The following FBXO21 variants were observed in gnomAD, a reference collection of about 807,000 sequenced individuals.
FBXO21 encodes F-box only protein 21.
A neutral mutation model predicts 76.6 loss-of-function variants in FBXO21; 32 were observed. That is an observed-to-expected ratio of 0.42 (90% CI 0.32 to 0.56). FBXO21 has a LOEUF of 0.56. FBXO21 is among the 20% of genes least tolerant of loss of function. The pLI, the probability that FBXO21 is intolerant of heterozygous loss-of-function variation, is 0.16. For synonymous variants in FBXO21, 328 were observed against 311.5 expected (o/e 1.05, Z -0.56); for missense variants, 586 against 797.3 (o/e 0.73, Z 3.19).
At chr12:117,183,590 G>A (rs183611389) in intron 3 of FBXO21, among the ~76,000 whole-genome samples, 15 of 152,330 alleles carry the variant, frequency 9.8e-5, no homozygotes, top group Admixed American at 2.6e-4. Context: ...TGTATTAAAA[G>A]TTTTCCGTGA....
chr12:117,150,959 TGTGTGTGTGTGTGTGTG>T (rs1955834940), intron 11 of FBXO21, among the ~76,000 whole-genome samples: 9 of 38,868 alleles, frequency 2.3e-4, no homozygotes, highest in Admixed American at 1.3e-3. Flanking sequence ...AATAAGTTTG[TGTGTGTGTGTGTGTGTG>T]TGTGTGTGTG....
chr12:117,185,211 A>G (rs1956270556), intron 3 of FBXO21, among the ~76,000 whole-genome samples: 1 of 152,044 alleles, frequency 6.6e-6, no homozygotes, highest in African/African-American at 2.4e-5. Flanking sequence ...CTACTAGATC[A>G]TACTTCAATT....
intron 11 of FBXO21, among the ~76,000 whole-genome samples, chr12:117,149,104 G>A (rs759532359): frequency 9.9e-5 from 15 of 152,154 alleles, no homozygotes; most frequent in East Asian, 1.9e-4. Flanking sequence ...GGAGGCTTAC[G>A]GGGACATGAC....
At position 117,142,862 on chromosome 12, in the gene FBXO21, CT is replaced by C. The variant is rs1565991108; in HGVS notation, c.*3224del. 6.6e-6 allele frequency: 1 copy of C among 152,160 alleles called. No homozygotes were observed. Among genetic ancestry groups the C allele is most frequent in the Non-Finnish European group, 1.5e-5 (1 of 68,048 alleles). The allele number at this position is 152,160 out of a possible 1,614,324, so 9.4% of individuals were successfully genotyped here. Reference sequence around the variant, plus strand: ...GAAAGCCTGCGACACGGCAGCTCTGCTCAGTTTTCTCCGTGGGGAAAGATCG... The same window carrying C: ...GAAAGCCTGCGACACGGCAGCTCTGCCAGTTTTCTCCGTGGGGAAAGATCG... On this transcript the variant is annotated 3_prime_UTR_variant, in exon 12 of 12. Coordinates refer to ENST00000622495, the MANE Select transcript of FBXO21 (RefSeq NM_015002.3).
At chr12:117,178,672 C>T (rs1334952724) in intron 3 of FBXO21, among the ~76,000 whole-genome samples, 2 of 58,844 alleles carry the variant, frequency 3.4e-5, no homozygotes, top group African/African-American at 7.9e-5. Flanking sequence ...GTGCCCTGTT[C>T]TTCTGCCTGG....
chr12:117,164,322 G>A (rs1484878022), intron 9 of FBXO21, among the ~76,000 whole-genome samples: 3 of 146,786 alleles, frequency 2.0e-5, no homozygotes, highest in Middle Eastern at 3.7e-3. Context: ...TGTTGCACTG[G>A]CTAGAGTGAA....
At chr12:117,149,642 C>T (rs1211023096) in intron 11 of FBXO21, among the ~76,000 whole-genome samples, 4 of 152,152 alleles carry the variant, frequency 2.6e-5, no homozygotes, top group African/African-American at 9.7e-5. Context: ...CACAGGACGG[C>T]CCCCCACAAA....
At chr12:117,189,486 G>A in intron 1 of FBXO21, 124 bp from the exon 2 acceptor site, 1 of 971,120 alleles carries the variant, frequency 1.0e-6, no homozygotes. Context: ...CCCGGCGAGA[G>A]ACCTAGTTCA....
At chr12:117,186,626 C>T in intron 2 of FBXO21, 55 bp from the exon 3 acceptor site, 5 of 1,098,550 alleles carry the variant, frequency 4.6e-6, no homozygotes, top group Non-Finnish European at 6.7e-6. Context: ...ATGCAACTCT[C>T]ACTCTCACAA....
At position 117,143,501 on chromosome 12, in the gene FBXO21, A is replaced by G. The variant is rs1955736893; in HGVS notation, c.*2586T>C. On this transcript the variant is annotated 3_prime_UTR_variant, in exon 12 of 12. Coordinates refer to ENST00000622495, the MANE Select transcript of FBXO21 (RefSeq NM_015002.3). ...GAAGAACCTGGTTTTCTTTCAAAGC[A>G]TGAGCAGTTCTCATTTTACAACATG... The G allele has an allele frequency of 6.6e-6, 1 of 152,228 alleles. No homozygotes were observed. The highest frequency in any genetic ancestry group is 1.5e-5 in the Non-Finnish European group (1 of 68,048). 9.4% of individuals were successfully genotyped at this position (152,228 alleles called of 1,614,324 possible). A position where few individuals can be genotyped will look rare whatever the true frequency, so the allele number is the denominator to read the frequency against.
At chr12:117,189,406 G>C in intron 1 of FBXO21, 44 bp from the exon 2 acceptor site, 1 of 1,611,428 alleles carries the variant, frequency 6.2e-7, no homozygotes, top group Non-Finnish European at 8.5e-7. Context: ...GAAACTCAAA[G>C]GCAGGCGGCC....
chr12:117,173,590 G>C (rs1429702715), intron 6 of FBXO21, among the ~76,000 whole-genome samples: 1 of 152,220 alleles, frequency 6.6e-6, no homozygotes, highest in African/African-American at 2.4e-5. Context: ...CTAGAGGCCA[G>C]TGCAAAGAGG....
chr12:117,181,168 T>C (rs1474893867), intron 3 of FBXO21, among the ~76,000 whole-genome samples: 1 of 152,188 alleles, frequency 6.6e-6, no homozygotes, highest in Admixed American at 6.5e-5. Context: ...TTTGGTCATT[T>C]GAAATTCATT....
Position 117,146,143 on chromosome 12 carries a change from C to T in FBXO21, c.1810G>A (p.Val604Ile), listed in dbSNP as rs1297173936. The change falls in exon 12 of 12, where the codon GTC (valine) becomes ATC (isoleucine). Residue 604 changes from valine to isoleucine, a missense_variant. By Grantham distance (29) the Val-to-Ile change is conservative (BLOSUM62 3). This residue lies in a region of FBXO21 where 164 missense variants were observed against 236.7 expected (regional missense o/e 0.69). Transcript: ENST00000622495. The part of the protein sequence containing the change: ...EIRYPEDLEF[V>I]YETVQNIYSA... The stretch of plus-strand genomic sequence containing the variant: ...TAAATATTCTGCACCGTTTCATAGA[C>T]AAACTCCAGATCTTCTGGATACCGG... The T allele has an allele frequency of 1.2e-6, 2 of 1,613,628 alleles. No homozygotes were observed. The highest frequency in any genetic ancestry group is 1.7e-6 in the Non-Finnish European group (2 of 1,179,878).
rs542316127 is a variant in FBXO21 at position 117,143,471 on chromosome 12, C to T, written c.*2616G>A. 6 of 152,336 alleles carry T rather than the reference C, an allele frequency of 3.9e-5. No individual in the cohort carries two copies. The South Asian group carries it at 6.2e-4, about 16-fold the overall frequency. 9.4% of individuals were successfully genotyped at this position (152,336 alleles called of 1,614,324 possible). On this transcript the variant is annotated 3_prime_UTR_variant, in exon 12 of 12. Transcript: ENST00000622495. The stretch of plus-strand genomic sequence containing the variant: ...GCCATTCAAATCAACGGCAACAGAA[C>T]GCACGAAGAACCTGGTTTTCTTTCA...
intron 6 of FBXO21, among the ~76,000 whole-genome samples, chr12:117,172,991 TTGG>T (rs1243626263): frequency 1.3e-5 from 2 of 152,188 alleles, no homozygotes; most frequent in Non-Finnish European, 2.9e-5. Flanking sequence ...GTGGCAGAAC[TTGG>T]TGGTTAACAA....
chr12:117,167,488 T>A (rs1447512614), intron 7 of FBXO21, among the ~76,000 whole-genome samples: 1 of 152,176 alleles, frequency 6.6e-6, no homozygotes, highest in East Asian at 1.9e-4. Context: ...GGCTCACACC[T>A]GTAATCCCAG....
chr12:117,147,685 C>T (rs571023355), intron 11 of FBXO21, among the ~76,000 whole-genome samples: 1 of 152,044 alleles, frequency 6.6e-6, no homozygotes, highest in African/African-American at 2.4e-5. Flanking sequence ...TGGAACAAGG[C>T]TCCTCCACAG....
rs1212005168 is a variant in FBXO21 at position 117,142,526 on chromosome 12, T to C, written c.*3561A>G. On this transcript the variant is annotated 3_prime_UTR_variant, in exon 12 of 12. Transcript: ENST00000622495. ...TGCTTTATAGGATTGCTGGGAGGAT[T>C]ACAAAGACTTTATTAGGCCAGTGCC... 6.6e-6 allele frequency: 1 copy of C among 152,242 alleles called. No individual in the cohort carries two copies. Among genetic ancestry groups the C allele is most frequent in the Non-Finnish European group, 1.5e-5 (1 of 68,034 alleles). The allele number at this position is 152,242 out of a possible 1,614,324, so 9.4% of individuals were successfully genotyped here. A position where few individuals can be genotyped will look rare whatever the true frequency, so the allele number is the denominator to read the frequency against.
Sources: allele counts gnomAD v4.1 joint callset (sites outside exome capture counted in the v4.1 genomes callset), GRCh38; gene constraint gnomAD v4.1.1; regional missense constraint gnomAD v4.1.1; transcripts MANE v1.5; gene names NCBI Gene and HGNC (gene_info 2026-07-23, HGNC 2026-07-21).